SCARA5: variants seen among roughly 807,000 people sequenced by gnomAD.
The protein encoded by SCARA5 is scavenger receptor class A, member 5 (putative).
In SCARA5, 45 loss-of-function variants were observed where a neutral mutation model predicts 46.3. That is an observed-to-expected ratio of 0.97 (90% CI 0.76 to 1.24). The LOEUF (loss-of-function observed/expected upper bound fraction) is 1.24. Among genes scored for constraint, SCARA5 ranks in the 50% most tolerant of loss-of-function variants. The probability of loss-of-function intolerance (pLI) is 0.00; values close to 1 mark genes in which losing one functional copy is unlikely to be tolerated. For missense variants in SCARA5, 680 were observed against 689.0 expected (o/e 0.99, Z 0.15); for synonymous variants, 333 against 306.5 (o/e 1.09, Z -0.90).
chr8:27,909,728 T>G lies in SCARA5; in HGVS notation c.932A>C (p.Lys311Thr). 6.4e-7 allele frequency: 1 copy of G among 1,551,224 alleles called. No homozygotes were observed. Among genetic ancestry groups the G allele is most frequent in the Non-Finnish European group, 8.7e-7 (1 of 1,146,804 alleles). The change falls in exon 5 of 9, where the codon AAA becomes ACA. Residue 311 changes from lysine to threonine, a missense_variant. By Grantham distance (78) the Lys-to-Thr change is moderately conservative. Coordinates refer to ENST00000354914, the MANE Select transcript of SCARA5 (RefSeq NM_173833.6). The part of the protein sequence containing the change: ...ISLAKGPPGP[K>T]GDQGDEGKEG... The stretch of plus-strand genomic sequence containing the variant: ...CTTTCCTTCATCCCCCTGATCACCT[T>G]TGGGTCCCGGTGGCCCTGGAAAGGC...
intron 7 of SCARA5, chr8:27,904,467 A>C (rs546967071): frequency 3.9e-6 from 2 of 514,002 alleles, no homozygotes; most frequent in Admixed American, 6.3e-5. Flanking sequence ...TGTTATCCCT[A>C]TTTTATAGAT....
chr8:27,879,838 C>T, intron 7 of SCARA5, 72 bp from the exon 8 acceptor site: 1 of 1,455,004 alleles, frequency 6.9e-7, no homozygotes, highest in Non-Finnish European at 9.4e-7. Flanking sequence ...CCTTCTTTGA[C>T]TCCGCCTACC....
Position 27,921,690 on chromosome 8 carries a change from T to G in SCARA5, c.797A>C (p.His266Pro), listed in dbSNP as rs753730411. 1 of 1,607,586 alleles carries G rather than the reference T, an allele frequency of 6.2e-7. No homozygotes were observed. The highest frequency in any genetic ancestry group is 8.5e-7 in the Non-Finnish European group (1 of 1,177,484). The stretch of plus-strand genomic sequence containing the variant: ...CTTCAGCTGCAGCTCCATGCCTACG[T>G]GCGCCAGGCGCAGGCGGCGCGTGTC... ...SEDTRRLRLA[H>P]VGMELQLKQE... The change falls in exon 4 of 9, where the codon CAC becomes CCC. Residue 266 changes from histidine to proline, a missense_variant. Around this residue, in one of 3 missense-constraint regions of SCARA5, gnomAD observed 438 missense variants for 384.5 expected, o/e 1.14. Transcript: ENST00000354914.
chr8:27,975,373 T>A (rs118070083), intron 2 of SCARA5, among the ~76,000 whole-genome samples: 166 of 152,302 alleles, frequency 1.1e-3, no homozygotes, highest in Middle Eastern at 3.4e-3. Context: ...GTAAAGTGTT[T>A]CCCTGAGTTC....
intron 7 of SCARA5, among the ~76,000 whole-genome samples, chr8:27,902,939 T>G (rs114091280): frequency 1.0e-3 from 155 of 152,088 alleles, no homozygotes; most frequent in African/African-American, 3.5e-3. Flanking sequence ...GTGTGGGGGG[T>G]CCAGGATCAG....
Position 27,988,419 on chromosome 8 carries a change from G to T in SCARA5, c.-15-789C>A, listed in dbSNP as rs1808737215. On this transcript the variant is annotated intron_variant, in intron 1 of 8. Transcript: ENST00000354914. ...AGGAGAATCCTATGCTCTTTGAAAG[G>T]AAACAGCCTGTTGACGCAACAATGT... Among the ~76,000 whole-genome samples, 3 of 152,238 alleles carry T rather than the reference G, an allele frequency of 2.0e-5. No homozygotes were observed. In the South Asian group the frequency reaches 6.2e-4, roughly 31 times the overall value.
intron 7 of SCARA5, among the ~76,000 whole-genome samples, chr8:27,880,286 C>T (rs915161837): frequency 6.6e-6 from 1 of 151,862 alleles, no homozygotes; most frequent in African/African-American, 2.4e-5. Context: ...TGGACATTGG[C>T]CTTGAAAAAG....
intron 7 of SCARA5, among the ~76,000 whole-genome samples, chr8:27,884,740 G>A (rs1398934687): frequency 6.6e-6 from 1 of 152,220 alleles, no homozygotes; most frequent in Non-Finnish European, 1.5e-5. Context: ...GTAAGTGACT[G>A]AGAGTCTATC....
intron 4 of SCARA5, among the ~76,000 whole-genome samples, chr8:27,920,768 GC>G (rs1300807941): frequency 6.6e-6 from 1 of 152,050 alleles, no homozygotes. Context: ...TCACATCACT[GC>G]CCCCCAGCCT....
At position 27,922,132 on chromosome 8, in the gene SCARA5, C is replaced by T. The variant is rs1367293752; in HGVS notation, c.355G>A (p.Ala119Thr). 2 of 1,607,464 alleles carry T rather than the reference C, an allele frequency of 1.2e-6. No individual in the cohort carries two copies. The highest frequency in any genetic ancestry group is 1.7e-6 in the Non-Finnish European group (2 of 1,177,786). ...QLRLLQAPLQ[A>T]DLTEQVWKVQ... ...TTCCACACCTGCTCCGTCAGGTCCG[C>T]TTGCAGCGGAGCCTGCAGCAGCCGC... The change falls in exon 4 of 9, where the codon GCG becomes ACG. Residue 119 changes from alanine to threonine, a missense_variant. Transcript: ENST00000354914.
chr8:27,966,318 C>T (rs1202289484), intron 3 of SCARA5, 96 bp downstream of exon 3: 1 of 1,255,902 alleles, frequency 8.0e-7, no homozygotes, highest in East Asian at 2.4e-5. Flanking sequence ...GTGACAAGGG[C>T]AGTGTTTGGG....
intron 2 of SCARA5, among the ~76,000 whole-genome samples, chr8:27,979,552 T>C (rs564283010): frequency 1.4e-3 from 210 of 150,146 alleles, no homozygotes; most frequent in Non-Finnish European, 1.8e-3. Context: ...AGAGCCTGCC[T>C]GACTTTTTTT....
chr8:27,907,048 C>A, intron 6 of SCARA5, 100 bp downstream of exon 6: 3 of 773,238 alleles, frequency 3.9e-6, no homozygotes, highest in Non-Finnish European at 6.3e-6. Flanking sequence ...CCCGCTGGTC[C>A]GTGGCACAGT....
At chr8:27,922,618 A>C (rs574527975) in intron 3 of SCARA5, among the ~76,000 whole-genome samples, 3 of 152,344 alleles carry the variant, frequency 2.0e-5, no homozygotes, top group African/African-American at 7.2e-5. Context: ...ACCCCTAGGA[A>C]ACTGCCAGTT....
At chr8:27,984,664 C>T (rs541812261) in intron 2 of SCARA5, among the ~76,000 whole-genome samples, 1 of 149,914 alleles carries the variant, frequency 6.7e-6, no homozygotes, top group East Asian at 1.9e-4. Context: ...ATTCATCCAT[C>T]CATTCACCCA....
chr8:27,945,724 C>T (rs961213358), intron 3 of SCARA5, among the ~76,000 whole-genome samples: 1 of 152,184 alleles, frequency 6.6e-6, no homozygotes, highest in Non-Finnish European at 1.5e-5. Context: ...ATGTATTAGA[C>T]ACTTTATAAA....
At chr8:27,939,039 G>A (rs73239317) in intron 3 of SCARA5, among the ~76,000 whole-genome samples, 7,010 of 152,244 alleles carry the variant, frequency 0.046, 226 homozygotes, top group Non-Finnish European at 0.07. Flanking sequence ...CCTACTGATT[G>A]TCAGGCACTA....
intron 3 of SCARA5, among the ~76,000 whole-genome samples, chr8:27,955,435 C>T (rs757686143): frequency 3.9e-5 from 6 of 152,194 alleles, no homozygotes; most frequent in Non-Finnish European, 8.8e-5. Context: ...TGCCAGCTGC[C>T]GGGCCACTCT....
At chr8:27,887,622 T>C (rs925270333) in intron 7 of SCARA5, among the ~76,000 whole-genome samples, 22 of 152,188 alleles carry the variant, frequency 1.4e-4, no homozygotes, top group African/African-American at 5.3e-4. Flanking sequence ...GAGCTTTTTC[T>C]TGTAATGCCC....
Sources: allele counts gnomAD v4.1 joint callset (sites outside exome capture counted in the v4.1 genomes callset), GRCh38; gene constraint gnomAD v4.1.1; regional missense constraint gnomAD v4.1.1; transcripts MANE v1.5; gene names NCBI Gene and HGNC (gene_info 2026-07-23, HGNC 2026-07-21).